Variants in GCN1 observed in about 807,000 individuals in gnomAD.
GCN1 encodes the protein GCN1 activator of EIF2AK4, also known as stalled ribosome sensor GCN1.
A neutral mutation model predicts 288.4 loss-of-function variants in GCN1; 90 were observed. That is an observed-to-expected ratio of 0.31 (90% CI 0.26 to 0.37). The LOEUF (loss-of-function observed/expected upper bound fraction) is 0.37, where lower values mean the gene tolerates loss of function less well. Ranked by LOEUF, GCN1 falls within the 10% of genes least tolerant of loss-of-function variation. The probability of loss-of-function intolerance (pLI) is 1.00; values close to 1 mark genes in which losing one functional copy is unlikely to be tolerated. For synonymous variants in GCN1, 1,386 were observed against 1,420.2 expected (o/e 0.98, Z 0.54); for missense variants, 2,586 against 3,419.9 (o/e 0.76, Z 6.08).
Position 120,155,136 on chromosome 12 carries a change from G to C in GCN1, c.3631-96C>G, listed in dbSNP as rs1877699520. On this transcript the variant is annotated intron_variant, in intron 30 of 57. Coordinates refer to ENST00000300648, the MANE Select transcript of GCN1 (RefSeq NM_006836.2). This position sits in a 1 kb window ranked among gnomAD's most constrained non-coding sequence, Gnocchi z 4.9. ...AGGAAACTAGCCGCAGCTACCCTGA[G>C]CCACCGTGAGCCCCGAGATTCCTGT... is the stretch of plus-strand genomic sequence containing the variant. The C allele has an allele frequency of 6.6e-7, 1 of 1,509,776 alleles. No homozygotes were observed. The highest frequency in any genetic ancestry group is 9.2e-7 in the Non-Finnish European group (1 of 1,085,522). 93.5% of individuals were successfully genotyped at this position (1,509,776 alleles called of 1,614,324 possible). A position where few individuals can be genotyped will look rare whatever the true frequency, so the allele number is the denominator to read the frequency against.
chr12:120,130,687 C>T lies in GCN1; in HGVS notation c.7630G>A (p.Gly2544Arg), dbSNP rs765229532. The change falls in exon 56 of 58, where the codon GGA becomes AGA. Residue 2544 changes from glycine (G) to arginine (R), a missense_variant. Around this residue, in one of 8 missense-constraint regions of GCN1, gnomAD observed 355 missense variants for 431.1 expected, o/e 0.82. Transcript: ENST00000300648. ...FLMRHHIETG[G>R]GQLPAKLSSL... Reference sequence around the variant, plus strand: ...GAAAGTTTGGCCGGCAACTGCCCTCCGCCTGTCTCGATGTGGTGTCTCATG... The same window carrying T: ...GAAAGTTTGGCCGGCAACTGCCCTCTGCCTGTCTCGATGTGGTGTCTCATG... 1.1e-5 allele frequency: 18 copies of T among 1,613,840 alleles called. 1 individual carries two copies. The highest frequency in any genetic ancestry group is 5.5e-5 in the South Asian group (5 of 91,082).
intron 21 of GCN1, 32 bp downstream of exon 21, chr12:120,161,847 CA>C: frequency 6.2e-7 from 1 of 1,603,528 alleles, no homozygotes; most frequent in Non-Finnish European, 8.5e-7. Context: ...CCTTGGGGAG[CA>C]AAGGAAACTG....
chr12:120,131,786 T>TGCTTTAACTGCTGGATTCC (rs1876833520), intron 54 of GCN1, 140 bp downstream of exon 54: 1 of 630,006 alleles, frequency 1.6e-6, no homozygotes, highest in Admixed American at 2.4e-5. Context: ...GCCTGGATTT[T>TGCTTTAACTGCTGGATTCC]GCTTTAACTG....
At chr12:120,129,168 C>T in intron 57 of GCN1, 108 bp downstream of exon 57, 1 of 904,956 alleles carries the variant, frequency 1.1e-6, no homozygotes, top group Non-Finnish European at 1.8e-6. Context: ...AAAGCTAGCA[C>T]ATCCGTGGTG....
Position 120,144,854 on chromosome 12 carries a change from T to C in GCN1, c.5156-19A>G, listed in dbSNP as rs1242421081. The C allele has an allele frequency of 1.2e-6, 2 of 1,614,068 alleles. No individual in the cohort carries two copies. The highest frequency in any genetic ancestry group is 1.7e-6 in the Non-Finnish European group (2 of 1,179,900). ...GCCAACCCTGCAACAAAGGACAGAA[T>C]GAGTCCACTGGATCTGAGGGCCCCT... On this transcript the variant is annotated intron_variant, in intron 40 of 57. Transcript: ENST00000300648. This position sits in a 1 kb window ranked among gnomAD's most constrained non-coding sequence, Gnocchi z 4.7.
rs771529940 is a variant in GCN1, at chr12:120,138,782, C to T, written c.6069G>A (p.Glu2023=). 6.2e-7 allele frequency: 1 copy of T among 1,614,206 alleles called. No homozygotes were observed. The highest frequency in any genetic ancestry group is 1.1e-5 in the South Asian group (1 of 91,086). ...ALCDPLEEVR[E]AAAKTFEQLH... is the part of the protein sequence containing the mutation. ...GCTGCTCGAAAGTCTTGGCTGCCGC[C>T]TCTCTGACCTCCTCCAGTGGGTCAC... The change falls in exon 46 of 58, where the codon GAG becomes GAA. Residue 2023 remains glutamate (E), a synonymous_variant. Transcript: ENST00000300648.
rs143224724 is a variant in GCN1 at position 120,157,217 on chromosome 12, C to A, written c.3088-225G>T. The A allele has an allele frequency of 1.8e-3, 902 of 492,402 alleles. 9 individuals carry two copies. The highest frequency in any genetic ancestry group is 0.016 in the African/African-American group (834 of 51,650). 30.5% of individuals were successfully genotyped at this position (492,402 alleles called of 1,614,324 possible). On this transcript the variant is annotated intron_variant, in intron 26 of 57. Transcript: ENST00000300648. Reference sequence around the variant, plus strand: ...TAAATTCTGAAACTTGCTTGAAATTCACACTATGAAATCCAGAAAGACCGT... The same window carrying A: ...TAAATTCTGAAACTTGCTTGAAATTAACACTATGAAATCCAGAAAGACCGT...
intron 50 of GCN1, 82 bp from the exon 51 acceptor site, chr12:120,136,814 C>CAGCT (rs1257492956): frequency 2.1e-6 from 2 of 938,252 alleles, no homozygotes; most frequent in African/African-American, 3.2e-5. Flanking sequence ...GTGGTCCTGA[C>CAGCT]AGCTGTCCTC....
chr12:120,169,804 C>T (rs772567580), intron 15 of GCN1, among the ~76,000 whole-genome samples: 10 of 152,202 alleles, frequency 6.6e-5, no homozygotes, highest in Non-Finnish European at 1.2e-4. Context: ...GGAAACTTAA[C>T]GGCTACGGGA....
chr12:120,139,017 A>G (rs1414258440), intron 45 of GCN1, 161 bp from the exon 46 acceptor site: 10 of 594,622 alleles, frequency 1.7e-5, no homozygotes, highest in Admixed American at 3.3e-5. Flanking sequence ...AATAAAAAAA[A>G]GGAGAGAAGG....
Position 120,137,131 on chromosome 12 carries a change from C to A in GCN1, c.6777+75G>T. ...TGCTCCAGCAGCCCCTACCGCAGAC[C>A]TGGGACAGGGGTAAGGGCCAGAAGG... On this transcript the variant is annotated intron_variant, in intron 50 of 57. Coordinates refer to ENST00000300648, the MANE Select transcript of GCN1 (RefSeq NM_006836.2). This position sits in a 1 kb window ranked among gnomAD's most constrained non-coding sequence, Gnocchi z 5.2. 1 of 1,077,900 alleles carries A rather than the reference C, an allele frequency of 9.3e-7. No homozygotes were observed. 66.8% of individuals were successfully genotyped at this position (1,077,900 alleles called of 1,614,324 possible). A position where few individuals can be genotyped will look rare whatever the true frequency, so the allele number is the denominator to read the frequency against.
intron 15 of GCN1, among the ~76,000 whole-genome samples, chr12:120,168,587 C>A (rs553911162): frequency 6.6e-6 from 1 of 152,330 alleles, no homozygotes; most frequent in Non-Finnish European, 1.5e-5. Flanking sequence ...GGTTTACAGA[C>A]TCTGGCTTTC....
Position 120,159,964 on chromosome 12 carries a change from C to T in GCN1, c.2610G>A (p.Pro870=), listed in dbSNP as rs376608017. Residue 870 remains proline, a synonymous_variant, in exon 24 of 58, where the codon CCG becomes CCA. Transcript: ENST00000300648. ...GLLDIILAKN[P]SGLTQYIPVL... The stretch of plus-strand genomic sequence containing the variant: ...CAGGGATGTACTGGGTCAGGCCGGA[C>T]GGGTTCTTGGCCAGGATGATGTCCA... 55 of 1,614,022 alleles carry T rather than the reference C, an allele frequency of 3.4e-5. No homozygotes were observed. Among genetic ancestry groups the T allele is most frequent in the Non-Finnish European group, 4.2e-5 (49 of 1,179,996 alleles).
rs1475651626 is a variant in GCN1, at chr12:120,127,300, C to G, written c.*549G>C. The G allele has an allele frequency of 6.6e-6, 1 of 152,652 alleles. No individual in the cohort carries two copies. Among genetic ancestry groups the G allele is most frequent in the African/African-American group, 2.4e-5 (1 of 41,436 alleles). The allele number at this position is 152,652 out of a possible 1,614,324, so 9.5% of individuals were successfully genotyped here. On this transcript the variant is annotated 3_prime_UTR_variant, in exon 58 of 58. Transcript: ENST00000300648. The stretch of plus-strand genomic sequence containing the variant: ...TAAATCAAAGCCTTTATTAAACATT[C>G]CTCTTTCAAACAGCCTTTCAAACCT...
At position 120,155,508 on chromosome 12, in the gene GCN1, C is replaced by G. The variant is rs1391711326; in HGVS notation, c.3441-78G>C. The G allele has an allele frequency of 2.5e-6, 4 of 1,600,512 alleles. No individual in the cohort carries two copies. Among genetic ancestry groups the G allele is most frequent in the Non-Finnish European group, 2.6e-6 (3 of 1,168,568 alleles). On this transcript the variant is annotated intron_variant, in intron 29 of 57. Coordinates refer to ENST00000300648, the MANE Select transcript of GCN1 (RefSeq NM_006836.2). The surrounding 1 kb of genome is among the most constrained non-coding windows in gnomAD (Gnocchi z 4.9). ...CCTGCCAGCCCAGCCCTTCTTCCCA[C>G]TGGAGGCTGAGCACACTGGGTTCAG... is the stretch of plus-strand genomic sequence containing the variant.
At position 120,158,448 on chromosome 12, in the gene GCN1, C is replaced by A. The variant is rs1168474002; in HGVS notation, c.2905+12G>T. On this transcript the variant is annotated intron_variant, in intron 25 of 57. Transcript: ENST00000300648. This position sits in a 1 kb window ranked among gnomAD's most constrained non-coding sequence, Gnocchi z 4.3. ...CACCGCCTGGTGCCCCTGATCCCGT[C>A]CCAGCCCTTACCTGGCTCCCCCTTG... 5.2e-6 allele frequency: 8 copies of A among 1,543,910 alleles called. No homozygotes were observed. Among genetic ancestry groups the A allele is most frequent in the Non-Finnish European group, 7.0e-6 (8 of 1,143,062 alleles).
chr12:120,137,333 G>A lies in GCN1; in HGVS notation c.6664-14C>T, dbSNP rs775695316. 2 of 1,603,912 alleles carry A rather than the reference G, an allele frequency of 1.2e-6. No individual in the cohort carries two copies. Among genetic ancestry groups the A allele is most frequent in the South Asian group, 2.2e-5 (2 of 90,812 alleles). On this transcript the variant is annotated splice_polypyrimidine_tract_variant and intron_variant, in intron 49 of 57. Transcript: ENST00000300648. This position sits in a 1 kb window ranked among gnomAD's most constrained non-coding sequence, Gnocchi z 5.2. ...AGCATCCAGCTTCTGCAGGAATCCA[G>A]GAAAAAGCGAGAGGATGTACAGCCC...
intron 20 of GCN1, chr12:120,162,295 A>C: frequency 5.6e-6 from 3 of 531,418 alleles, no homozygotes; most frequent in East Asian, 3.3e-5. Context: ...CCAATTCTCA[A>C]TCTCCGTGGT....
rs1488924250 is a variant in GCN1, at chr12:120,150,036, G to C, written c.4317C>G (p.Leu1439=). Residue 1439 remains leucine (L), a synonymous_variant, in exon 35 of 58, where the codon CTC becomes CTG. Transcript: ENST00000300648. ...KKNFRRREGA[L]FAFEMLCTML... ...TGGTGCAGAGCATCTCGAAGGCAAA[G>C]AGGGCTCCTAGGGGAAAAGAAGGTG... The C allele has an allele frequency of 2.5e-6, 4 of 1,613,858 alleles. No homozygotes were observed. The highest frequency in any genetic ancestry group is 3.4e-6 in the Non-Finnish European group (4 of 1,179,990).
Sources: gnomAD v4.1 joint callset for allele counts (sites outside exome capture counted in the v4.1 genomes callset) on GRCh38, gnomAD v4.1.1 for gene constraint, gnomAD v4.1.1 regional missense constraint, Gnocchi (gnomAD v3.1) non-coding constraint, MANE v1.5 for transcripts, NCBI Gene and HGNC (gene_info 2026-07-23, HGNC 2026-07-21) for gene names.